The following FKBP1B variants were observed in gnomAD, a reference collection of about 807,000 sequenced individuals.
The protein encoded by FKBP1B is FKBP prolyl isomerase 1B, also known as peptidyl-prolyl cis-trans isomerase FKBP1B.
In FKBP1B, 4 loss-of-function variants were observed where a neutral mutation model predicts 13.5. That is an observed-to-expected ratio of 0.30 (90% CI 0.15 to 0.68). The LOEUF is 0.68. FKBP1B is among the 30% of genes least tolerant of loss of function. The pLI is 0.76. For synonymous variants in FKBP1B, 54 were observed against 53.6 expected (o/e 1.01, Z -0.03); for missense variants, 93 against 136.2 (o/e 0.68, Z 1.58).
At chr2:24,047,518 GA>G (rs1663667545), upstream of FKBP1B, among the ~76,000 whole-genome samples, 1 of 152,054 alleles carries the variant, frequency 6.6e-6, no homozygotes. Context: ...ATTGGCTTTT[GA>G]ATATGCACAT....
chr2:24,039,975 A>AT, the FKBP1B span, among the ~76,000 whole-genome samples: 80 of 151,034 alleles, frequency 5.3e-4, no homozygotes, highest in Non-Finnish European at 9.7e-4. Context: ...TTTTTTTTTT[A>AT]TTTTTAGTAG....
chr2:24,049,863 T>C lies in FKBP1B; in HGVS notation c.14T>C (p.Ile5Thr). MGVEIETISPGDGRT... is the reference protein window; with the variant it reads MGVETETISPGDGRT... ...TGTGGGACCGCTATGGGCGTGGAGA[T>C]CGAGACCATCTCCCCCGGAGACGGT... Residue 5 changes from isoleucine (I) to threonine (T), a missense_variant, in exon 1 of 4, where the codon ATC becomes ACC. Transcript: ENST00000380986. 1.4e-6 allele frequency: 2 copies of C among 1,429,160 alleles called. No individual in the cohort carries two copies. Among genetic ancestry groups the C allele is most frequent in the African/African-American group, 1.5e-5 (1 of 67,808 alleles). The allele number at this position is 1,429,160 out of a possible 1,614,324, so 88.5% of individuals were successfully genotyped here. A position where few individuals can be genotyped will look rare whatever the true frequency, so the allele number is the denominator to read the frequency against.
chr2:24,044,060 G>A, the FKBP1B span, among the ~76,000 whole-genome samples: 1 of 152,108 alleles, frequency 6.6e-6, no homozygotes, highest in African/African-American at 2.4e-5. Flanking sequence ...ATCTACTTAT[G>A]TACTTTAAAA....
At chr2:24,060,243 G>A (rs963215346) in intron 2 of FKBP1B, among the ~76,000 whole-genome samples, 1 of 152,074 alleles carries the variant, frequency 6.6e-6, no homozygotes, top group Non-Finnish European at 1.5e-5. Flanking sequence ...CTGGTGACTT[G>A]GTCGTGGTAA....
At chr2:24,035,507 T>C in the FKBP1B span, among the ~76,000 whole-genome samples, 14 of 151,926 alleles carry the variant, frequency 9.2e-5, no homozygotes, top group South Asian at 2.5e-3. Flanking sequence ...ACCAAATAAA[T>C]GAATTACCTA....
the FKBP1B span, among the ~76,000 whole-genome samples, chr2:24,042,605 A>G: frequency 6.7e-6 from 1 of 149,984 alleles, no homozygotes; most frequent in Non-Finnish European, 1.5e-5. Context: ...GCTACTCAGG[A>G]GGCTGAGGCA....
the FKBP1B span, chr2:24,037,877 G>A: frequency 6.2e-7 from 1 of 1,614,156 alleles, no homozygotes; most frequent in Non-Finnish European, 8.5e-7. Flanking sequence ...GGCAAACGAG[G>A]AGGCTCCAGT....
At chr2:24,036,025 C>T in the FKBP1B span, among the ~76,000 whole-genome samples, 6 of 149,488 alleles carry the variant, frequency 4.0e-5, no homozygotes, top group African/African-American at 7.4e-5. Context: ...GCTGAGATCG[C>T]GCCACTGCAC....
In FKBP1B at chr2:24,063,468, A is replaced by C. The variant is rs1451025938; in HGVS notation, c.*276A>C. The C allele has an allele frequency of 3.0e-5, 11 of 367,424 alleles. No individual in the cohort carries two copies. The highest frequency in any genetic ancestry group is 4.2e-5 in the African/African-American group (2 of 47,994). The allele number at this position is 367,424 out of a possible 1,614,324, so 22.8% of individuals were successfully genotyped here. A position where few individuals can be genotyped will look rare whatever the true frequency, so the allele number is the denominator to read the frequency against. On this transcript the variant is annotated 3_prime_UTR_variant, in exon 4 of 4. Transcript: ENST00000380986. ...GTAGCCTTTCCTGATGACAGAACAC[A>C]GATCTCTTGTTCGCACAATCTACAC...
At chr2:24,058,798 T>C (rs567436594) in intron 2 of FKBP1B, among the ~76,000 whole-genome samples, 7 of 152,366 alleles carry the variant, frequency 4.6e-5, no homozygotes, top group African/African-American at 1.7e-4. Flanking sequence ...TTGAATATCT[T>C]AGCAACCTTA....
chr2:24,034,562 A>G, the FKBP1B span, among the ~76,000 whole-genome samples: 1 of 144,998 alleles, frequency 6.9e-6, no homozygotes, highest in Admixed American at 7.7e-5. Context: ...AGGAATTGAA[A>G]GGGCAACAAA....
At chr2:24,040,737 C>A in the FKBP1B span, among the ~76,000 whole-genome samples, 1 of 152,318 alleles carries the variant, frequency 6.6e-6, no homozygotes, top group Admixed American at 6.5e-5. Context: ...ATGCTTAGGG[C>A]TGGGCGTGGT....
At chr2:24,034,385 A>G in the FKBP1B span, among the ~76,000 whole-genome samples, 1 of 152,174 alleles carries the variant, frequency 6.6e-6, no homozygotes, top group African/African-American at 2.4e-5. Flanking sequence ...GCGCCACTGC[A>G]CTCCGGCCTG....
chr2:24,053,117 CTGTT>C (rs1025548426), intron 1 of FKBP1B, among the ~76,000 whole-genome samples: 5 of 151,926 alleles, frequency 3.3e-5, no homozygotes, highest in African/African-American at 7.3e-5. Flanking sequence ...TTTGTTTTGT[CTGTT>C]TGTTTATTGT....
In FKBP1B at chr2:24,049,779, G is replaced by A. The variant is rs1353582417; in HGVS notation, c.-71G>A. On this transcript the variant is annotated 5_prime_UTR_variant, in exon 1 of 4. Transcript: ENST00000380986. ...GGAGGCGAGCCGGAGCGACGGCGGG[G>A]CTGGGGCCGGAGCCGAGCCGGGGTC... The A allele has an allele frequency of 1.0e-5, 13 of 1,239,362 alleles. No homozygotes were observed. Among genetic ancestry groups the A allele is most frequent in the Non-Finnish European group, 1.3e-5 (13 of 972,482 alleles). 76.8% of individuals were successfully genotyped at this position (1,239,362 alleles called of 1,614,324 possible). A position where few individuals can be genotyped will look rare whatever the true frequency, so the allele number is the denominator to read the frequency against.
intron 1 of FKBP1B, among the ~76,000 whole-genome samples, chr2:24,051,333 C>CAA (rs568507946): frequency 5.2e-4 from 73 of 141,106 alleles, no homozygotes; most frequent in African/African-American, 1.2e-3. Context: ...GACTCTATCT[C>CAA]AAAAAAAAAA....
At chr2:24,048,036 T>A (rs1239461997), upstream of FKBP1B, among the ~76,000 whole-genome samples, 2 of 151,566 alleles carry the variant, frequency 1.3e-5, no homozygotes, top group Non-Finnish European at 2.9e-5. Flanking sequence ...TCCGGGAGAG[T>A]GGGGATGAGG....
chr2:24,063,469 GAT>G lies in FKBP1B; in HGVS notation c.*278_*279del. The G allele has an allele frequency of 2.8e-6, 1 of 362,586 alleles. No homozygotes were observed. The highest frequency in any genetic ancestry group is 4.9e-6 in the Non-Finnish European group (1 of 202,156). The allele number at this position is 362,586 out of a possible 1,614,324, so 22.5% of individuals were successfully genotyped here. On this transcript the variant is annotated 3_prime_UTR_variant, in exon 4 of 4. Transcript: ENST00000380986. The stretch of plus-strand genomic sequence containing the variant: ...TAGCCTTTCCTGATGACAGAACACA[GAT>G]CTCTTGTTCGCACAATCTACACTGC...
the FKBP1B span, among the ~76,000 whole-genome samples, chr2:24,035,443 G>A: frequency 6.6e-6 from 1 of 151,926 alleles, no homozygotes; most frequent in Non-Finnish European, 1.5e-5. Flanking sequence ...ACATAGGGTA[G>A]GAATAAGAGT....
Sources: allele counts gnomAD v4.1 joint callset (sites outside exome capture counted in the v4.1 genomes callset), GRCh38; gene constraint gnomAD v4.1.1; transcripts MANE v1.5; gene names NCBI Gene and HGNC (gene_info 2026-07-23, HGNC 2026-07-21).